The following FGF13 variants were observed in gnomAD, a reference collection of about 807,000 sequenced individuals.
FGF13 encodes the protein fibroblast growth factor 13.
FGF13 carries 2 observed loss-of-function variants against 19.5 expected under a neutral mutation model. The ratio of observed to expected loss-of-function variants is 0.10; its 90% CI spans 0.04 to 0.32. The LOEUF (loss-of-function observed/expected upper bound fraction) is 0.32. Among genes scored for constraint, FGF13 ranks in the 10% least tolerant of loss-of-function variants. FGF13 has a pLI of 1.00. For missense variants in FGF13, 113 were observed against 192.7 expected, an observed-to-expected ratio of 0.59 and a Z score of 2.45; for synonymous variants, 72 against 76.9, an observed-to-expected ratio of 0.94 and a Z score of 0.33.
At chrX:139,181,445 C>G (rs1055853480) in intron 1 of FGF13, among the ~76,000 whole-genome samples, 1 of 112,992 alleles carries the variant, frequency 8.9e-6, no homozygotes, top group Non-Finnish European at 1.9e-5. Flanking sequence ...GTTTTGATGA[C>G]TACTTCATTC....
intron 3 of FGF13, among the ~76,000 whole-genome samples, chrX:138,845,407 T>C (rs1362347804): frequency 8.9e-6 from 1 of 111,896 alleles, no homozygotes; most frequent in Non-Finnish European, 1.9e-5. Flanking sequence ...TTAGAGCAAA[T>C]GGCCGTTGAA....
At chrX:138,858,413 G>GT (rs1204435694) in intron 2 of FGF13, among the ~76,000 whole-genome samples, 1 of 111,823 alleles carries the variant, frequency 8.9e-6, no homozygotes, top group Non-Finnish European at 1.9e-5. Context: ...TATCACTAGT[G>GT]TTTTTGTATC....
intron 1 of FGF13, among the ~76,000 whole-genome samples, chrX:138,722,362 T>C (rs2090153247): frequency 9.0e-6 from 1 of 111,636 alleles, no homozygotes; most frequent in African/African-American, 3.3e-5. Flanking sequence ...GAAAATTGAA[T>C]CCAAACTTGA....
At chrX:138,938,160 C>A (rs960279433) in intron 1 of FGF13, among the ~76,000 whole-genome samples, 2 of 111,521 alleles carry the variant, frequency 1.8e-5, no homozygotes, top group Non-Finnish European at 3.8e-5. Flanking sequence ...TCTTCTCCTC[C>A]TGCCCTGGAC....
intron 1 of FGF13, among the ~76,000 whole-genome samples, chrX:138,877,514 G>A (rs1333117354): frequency 1.8e-5 from 2 of 111,792 alleles, no homozygotes; most frequent in East Asian, 5.7e-4. Flanking sequence ...TAATCACCAT[G>A]CTATGAAGCC....
intron 1 of FGF13, among the ~76,000 whole-genome samples, chrX:138,996,838 A>G (rs1396897493): frequency 3.6e-5 from 4 of 112,310 alleles, no homozygotes; most frequent in African/African-American, 1.3e-4. Flanking sequence ...GATAACAGAC[A>G]GACTGCCTCC....
chrX:139,042,579 AT>A (rs1398303269), intron 1 of FGF13, among the ~76,000 whole-genome samples: 1 of 107,576 alleles, frequency 9.3e-6, no homozygotes, highest in Non-Finnish European at 1.9e-5. Context: ...TGTAAAAAAA[AT>A]TTGATTTTAA....
downstream of FGF13, among the ~76,000 whole-genome samples, chrX:138,853,117 G>C (rs1002905784): frequency 2.7e-5 from 3 of 111,697 alleles, no homozygotes; most frequent in Admixed American, 9.5e-5. Context: ...ACAAGCATCA[G>C]AGGTTATTAC....
intron 1 of FGF13, among the ~76,000 whole-genome samples, chrX:139,035,810 C>A (rs1321869697): frequency 9.0e-6 from 1 of 111,230 alleles, no homozygotes; most frequent in Non-Finnish European, 1.9e-5. Flanking sequence ...TTCAGAAAGA[C>A]CATTTCTAGA....
intron 1 of FGF13, among the ~76,000 whole-genome samples, chrX:138,938,046 G>A (rs1230315471): frequency 9.0e-6 from 1 of 111,461 alleles, no homozygotes; most frequent in Admixed American, 9.5e-5. Flanking sequence ...TGGCCATTGA[G>A]GAAGAAGAAC....
At chrX:139,110,377 G>A (rs2083592427) in intron 1 of FGF13, among the ~76,000 whole-genome samples, 1 of 109,847 alleles carries the variant, frequency 9.1e-6, no homozygotes, top group Admixed American at 9.7e-5. Flanking sequence ...AATTCCCACC[G>A]AGGGACCCGG....
At chrX:138,832,280 G>T (rs958698275) in intron 3 of FGF13, among the ~76,000 whole-genome samples, 2 of 112,153 alleles carry the variant, frequency 1.8e-5, no homozygotes, top group Admixed American at 9.5e-5. Flanking sequence ...CCCACCAACA[G>T]TGCATAAGTG....
In FGF13 at chrX:138,624,328, A is replaced by T. The variant is rs2089038988; in HGVS notation, c.*8522T>A. 8.9e-6 allele frequency: 1 copy of T among 112,098 alleles called. No homozygotes were observed. The highest frequency in any genetic ancestry group is 3.2e-5 in the African/African-American group (1 of 30,861). The allele number at this position is 112,098 out of a possible 1,213,427, so 9.2% of individuals were successfully genotyped here. A position where few individuals can be genotyped will look rare whatever the true frequency, so the allele number is the denominator to read the frequency against. On this transcript the variant is annotated 3_prime_UTR_variant, in exon 5 of 5. Transcript: ENST00000315930. ...CACTAAAAACACATCATGGGGAAAT[A>T]TAGTCCATTCAATAAATCGTATTTT...
intron 3 of FGF13, among the ~76,000 whole-genome samples, chrX:138,790,043 C>CAAAAAAA (rs764151731): frequency 1.7e-4 from 5 of 29,167 alleles, no homozygotes; most frequent in African/African-American, 4.5e-4. Flanking sequence ...AGACTCCATT[C>CAAAAAAA]AAAAAAAAAA....
chrX:139,102,880 A>G (rs1300540367), intron 1 of FGF13, among the ~76,000 whole-genome samples: 1 of 112,682 alleles, frequency 8.9e-6, no homozygotes, highest in Admixed American at 9.4e-5. Context: ...CATAAAACAG[A>G]AAGGCATTTC....
Position 139,061,047 on chromosome X carries a change from T to C in FGF13, c.-113+142369A>G, listed in dbSNP as rs371919331. Among the ~76,000 whole-genome samples the C allele has an allele frequency of 4.0e-4, 45 of 111,832 alleles. No individual in the cohort carries two copies. In the East Asian group the frequency reaches 4.5e-3, roughly 11 times the overall value. On this transcript the variant is annotated intron_variant, in intron 1 of 2. Transcript: ENST00000421460. ...CTTTAGTAATTCAGAACTTAATATA[T>C]AAGAACTACCTTTCACAAACTTTGT...
chrX:138,727,743 T>C (rs2090196666), intron 1 of FGF13, among the ~76,000 whole-genome samples: 1 of 111,419 alleles, frequency 9.0e-6, no homozygotes, highest in Non-Finnish European at 1.9e-5. Flanking sequence ...AAATTAGGTG[T>C]TTGAATATAT....
chrX:139,032,104 G>A (rs1639799994), intron 1 of FGF13, among the ~76,000 whole-genome samples: 1 of 111,539 alleles, frequency 9.0e-6, no homozygotes, highest in African/African-American at 3.3e-5. Flanking sequence ...AACACTAAAT[G>A]TTAACATTAT....
At chrX:139,138,803 G>A (rs1205150855) in intron 1 of FGF13, among the ~76,000 whole-genome samples, 1 of 111,569 alleles carries the variant, frequency 9.0e-6, no homozygotes, top group South Asian at 3.8e-4. Flanking sequence ...AGGAAACTGA[G>A]GTTCAAGGAT....
Sources: allele counts gnomAD v4.1 joint callset (sites outside exome capture counted in the v4.1 genomes callset), GRCh38; gene constraint gnomAD v4.1.1; transcripts MANE v1.5; gene names NCBI Gene and HGNC (gene_info 2026-07-23, HGNC 2026-07-21).